Variants in KCNAB1 observed in about 807,000 individuals in gnomAD.
The protein encoded by KCNAB1 is potassium voltage-gated channel subfamily A regulatory beta subunit 1, also known as voltage-gated potassium channel subunit beta-1.
A neutral mutation model predicts 64.6 loss-of-function variants in KCNAB1; 35 were observed. The observed-to-expected ratio is 0.54, with a 90% CI of 0.41 to 0.72. The LOEUF is 0.72. KCNAB1 is among the 30% of genes least tolerant of loss of function. The pLI is 0.00. For synonymous variants in KCNAB1, 177 were observed against 183.8 expected, an observed-to-expected ratio of 0.96 and a Z score of 0.30; for missense variants, 401 against 512.9, an observed-to-expected ratio of 0.78 and a Z score of 2.11.
chr3:156,324,531 T>C (rs1457542431), intron 1 of KCNAB1, among the ~76,000 whole-genome samples: 1 of 152,142 alleles, frequency 6.6e-6, no homozygotes, highest in Non-Finnish European at 1.5e-5. Context: ...ATAGATACTA[T>C]TGAGCACCTA....
At chr3:156,426,619 GTCTTGCCTATTCA>G (rs561415048) in intron 2 of KCNAB1, among the ~76,000 whole-genome samples, 2 of 152,132 alleles carry the variant, frequency 1.3e-5, no homozygotes, top group Non-Finnish European at 2.9e-5. Flanking sequence ...AAAATCCTCT[GTCTTGCCTATTCA>G]TCCCTCCCTC....
At chr3:156,379,788 G>A (rs1712013808) in intron 1 of KCNAB1, among the ~76,000 whole-genome samples, 2 of 152,138 alleles carry the variant, frequency 1.3e-5, no homozygotes, top group Non-Finnish European at 2.9e-5. Context: ...ACTGCATAGG[G>A]GCTTAGGTTA....
chr3:156,310,321 G>A (rs1013757865), intron 1 of KCNAB1, among the ~76,000 whole-genome samples: 1 of 152,192 alleles, frequency 6.6e-6, no homozygotes, highest in African/African-American at 2.4e-5. Flanking sequence ...GCTGTAGGGT[G>A]TGGAGGAAGG....
At chr3:156,189,466 C>T (rs1047757344) in intron 1 of KCNAB1, among the ~76,000 whole-genome samples, 1 of 152,166 alleles carries the variant, frequency 6.6e-6, no homozygotes, top group Non-Finnish European at 1.5e-5. Flanking sequence ...TTATTATGGC[C>T]AGTGTGTGCT....
intron 1 of KCNAB1, among the ~76,000 whole-genome samples, chr3:156,381,253 C>T (rs3772254): frequency 0.26 from 40,115 of 151,900 alleles, 6,645 homozygotes; most frequent in African/African-American, 0.48. Context: ...CTGAACTGGC[C>T]GGTTAAAGGA....
intron 3 of KCNAB1, among the ~76,000 whole-genome samples, chr3:156,455,476 G>A (rs1712335475): frequency 1.3e-5 from 2 of 152,184 alleles, no homozygotes; most frequent in South Asian, 4.1e-4. Flanking sequence ...AATAAAGATA[G>A]ATGTTACTGA....
intron 1 of KCNAB1, chr3:156,176,032 C>T: frequency 1.3e-6 from 1 of 796,968 alleles, no homozygotes; most frequent in Non-Finnish European, 2.3e-6. Flanking sequence ...TATTTTGCTT[C>T]CATCAGGTGA....
intron 2 of KCNAB1, among the ~76,000 whole-genome samples, chr3:156,425,494 G>T (rs887413910): frequency 6.6e-6 from 1 of 152,110 alleles, no homozygotes; most frequent in Non-Finnish European, 1.5e-5. Flanking sequence ...GCTGTGGCTT[G>T]CCTGTTCTGT....
chr3:156,338,539 C>T (rs1438491433), intron 1 of KCNAB1, among the ~76,000 whole-genome samples: 17 of 151,730 alleles, frequency 1.1e-4, no homozygotes, highest in Non-Finnish European at 1.9e-4. Flanking sequence ...CTTGAACTCC[C>T]GACCTCAGGT....
chr3:156,196,532 G>GT (rs1212939556), intron 1 of KCNAB1, among the ~76,000 whole-genome samples: 1 of 152,116 alleles, frequency 6.6e-6, no homozygotes, highest in Non-Finnish European at 1.5e-5. Flanking sequence ...CATGTCTCTT[G>GT]TAAGTTGTAT....
intron 1 of KCNAB1, among the ~76,000 whole-genome samples, chr3:156,413,932 A>G (rs778049578): frequency 6.6e-6 from 1 of 152,240 alleles, no homozygotes; most frequent in Non-Finnish European, 1.5e-5. Context: ...GATGTAAAAG[A>G]CATGGCACAT....
chr3:156,125,663 G>A (rs146070295), intron 1 of KCNAB1, among the ~76,000 whole-genome samples: 69 of 152,248 alleles, frequency 4.5e-4, no homozygotes, highest in Middle Eastern at 3.4e-3. Flanking sequence ...ACTGAGACTC[G>A]CTCCTAATAT....
chr3:156,130,731 C>T (rs1713946321), intron 1 of KCNAB1, among the ~76,000 whole-genome samples: 1 of 152,308 alleles, frequency 6.6e-6, no homozygotes, highest in Non-Finnish European at 1.5e-5. Flanking sequence ...CTTCACTTTC[C>T]ACCACACTAT....
intron 1 of KCNAB1, among the ~76,000 whole-genome samples, chr3:156,297,400 G>A (rs959654909): frequency 6.6e-6 from 1 of 151,546 alleles, no homozygotes; most frequent in Admixed American, 6.6e-5. Flanking sequence ...CATCAGCAAT[G>A]GAGGGACCAG....
intron 1 of KCNAB1, among the ~76,000 whole-genome samples, chr3:156,284,494 C>T (rs1467848037): frequency 6.6e-6 from 1 of 152,228 alleles, no homozygotes; most frequent in African/African-American, 2.4e-5. Flanking sequence ...GTGGGCTCCA[C>T]CCAGTTTGAG....
At chr3:156,254,408 G>T (rs1717985953) in intron 1 of KCNAB1, among the ~76,000 whole-genome samples, 1 of 152,162 alleles carries the variant, frequency 6.6e-6, no homozygotes, top group African/African-American at 2.4e-5. Context: ...ATTTTCCCAG[G>T]ATGGTGAGGA....
At chr3:156,419,255 C>A (rs1006779179) in intron 1 of KCNAB1, among the ~76,000 whole-genome samples, 3 of 152,128 alleles carry the variant, frequency 2.0e-5, no homozygotes, top group Non-Finnish European at 4.4e-5. Context: ...GTAATCCCAG[C>A]ACTTTGGGAG....
At chr3:156,517,854 C>T (rs1717659554) in intron 11 of KCNAB1, among the ~76,000 whole-genome samples, 2 of 152,186 alleles carry the variant, frequency 1.3e-5, no homozygotes, top group African/African-American at 2.4e-5. Flanking sequence ...AACTAAAACA[C>T]GAAGACCTTA....
intron 1 of KCNAB1, among the ~76,000 whole-genome samples, chr3:156,170,758 T>C (rs1661787324): frequency 6.6e-6 from 1 of 152,108 alleles, no homozygotes; most frequent in African/African-American, 2.4e-5. Context: ...CCCCAAACAT[T>C]GAGTCCTATT....
Sources: allele counts gnomAD v4.1 joint callset (sites outside exome capture counted in the v4.1 genomes callset), GRCh38; gene constraint gnomAD v4.1.1; transcripts MANE v1.5; gene names NCBI Gene and HGNC (gene_info 2026-07-23, HGNC 2026-07-21).